TCF12: variants seen among roughly 807,000 people sequenced by gnomAD.
TCF12 encodes the protein transcription factor 12, also known as DNA-binding protein HTF4.
A neutral mutation model predicts 86.0 loss-of-function variants in TCF12; 45 were observed. The ratio of observed to expected loss-of-function variants is 0.52; its 90% CI spans 0.41 to 0.67. The LOEUF (loss-of-function observed/expected upper bound fraction) is 0.67, where lower values mean the gene tolerates loss of function less well. TCF12 is among the 30% of genes least tolerant of loss of function. TCF12 has a pLI of 0.00. For synonymous variants in TCF12, 330 were observed against 299.6 expected (o/e 1.10, Z -1.05); for missense variants, 881 against 859.9 (o/e 1.02, Z -0.31).
intron 3 of TCF12, among the ~76,000 whole-genome samples, chr15:56,998,293 C>G (rs1273207923): frequency 2.0e-5 from 3 of 151,942 alleles, no homozygotes; most frequent in Admixed American, 6.6e-5. Context: ...CCCCTCTTTA[C>G]TAAAAATACA....
chr15:57,243,503 T>G lies in TCF12; in HGVS notation c.1067T>G (p.Phe356Cys). 1 of 1,613,980 alleles carries G rather than the reference T, an allele frequency of 6.2e-7. No individual in the cohort carries two copies. The highest frequency in any genetic ancestry group is 8.5e-7 in the Non-Finnish European group (1 of 1,179,900). The change falls in exon 13 of 21, where the codon TTT becomes TGT. Residue 356 changes from phenylalanine to cysteine, a missense_variant. Phe to Cys is a radical substitution (Grantham distance 205). Transcript: ENST00000333725. ...TCTCCTGACCATACCAGCAGTAGTT[T>G]TCCGTCAAATCCATCAACACCAGTT... ...IYSPDHTSSS[F>C]PSNPSTPVGS...
chr15:57,072,259 T>G (rs1160275449), intron 4 of TCF12, among the ~76,000 whole-genome samples: 1 of 152,176 alleles, frequency 6.6e-6, no homozygotes, highest in African/African-American at 2.4e-5. Context: ...TATAAAATCA[T>G]GTAGACTCAC....
At chr15:57,000,385 T>C (rs916666940) in intron 3 of TCF12, among the ~76,000 whole-genome samples, 1 of 151,924 alleles carries the variant, frequency 6.6e-6, no homozygotes, top group African/African-American at 2.4e-5. Context: ...TAAGGGATGA[T>C]ATTACTTTTC....
At chr15:56,984,200 A>G (rs1466213154) in intron 3 of TCF12, among the ~76,000 whole-genome samples, 2 of 151,562 alleles carry the variant, frequency 1.3e-5, no homozygotes, top group African/African-American at 4.9e-5. Flanking sequence ...TATACATTAT[A>G]CATATATGTG....
chr15:57,061,232 T>G (rs1192718487), intron 3 of TCF12, among the ~76,000 whole-genome samples: 1 of 152,224 alleles, frequency 6.6e-6, no homozygotes, highest in African/African-American at 2.4e-5. Flanking sequence ...CTCTTGAATT[T>G]TGCTTGAGAT....
intron 5 of TCF12, among the ~76,000 whole-genome samples, chr15:57,092,197 T>C (rs1567405595): frequency 6.6e-6 from 1 of 152,226 alleles, no homozygotes; most frequent in African/African-American, 2.4e-5. Flanking sequence ...AGTATTGTTT[T>C]AGGGGCATTT....
chr15:57,001,713 T>G (rs371923000), intron 3 of TCF12, among the ~76,000 whole-genome samples: 1 of 152,246 alleles, frequency 6.6e-6, no homozygotes, highest in African/African-American at 2.4e-5. Flanking sequence ...TTAATTTTTT[T>G]GTCAGTAAAA....
chr15:57,163,682 G>A (rs1197491839), intron 5 of TCF12, among the ~76,000 whole-genome samples: 2 of 152,194 alleles, frequency 1.3e-5, no homozygotes, highest in Non-Finnish European at 2.9e-5. Flanking sequence ...TAGCCTGTAC[G>A]ACAGAGCGAG....
intron 5 of TCF12, among the ~76,000 whole-genome samples, chr15:57,152,081 G>T (rs1483970393): frequency 6.6e-6 from 1 of 152,198 alleles, no homozygotes; most frequent in African/African-American, 2.4e-5. Flanking sequence ...TCACTAGAGG[G>T]AGTGGAAGCC....
intron 8 of TCF12, among the ~76,000 whole-genome samples, chr15:57,208,407 G>T (rs1473932027): frequency 7.6e-5 from 3 of 39,510 alleles, no homozygotes; most frequent in Non-Finnish European, 1.3e-4. Context: ...TTTGGAGACA[G>T]AGTCTCACTC....
chr15:57,137,420 C>T (rs1047434520), intron 5 of TCF12, among the ~76,000 whole-genome samples: 5 of 152,128 alleles, frequency 3.3e-5, no homozygotes, highest in Non-Finnish European at 7.3e-5. Context: ...AAAAGTTTGA[C>T]ACAGGTATAA....
At chr15:57,063,298 T>C (rs1381313524) in intron 3 of TCF12, among the ~76,000 whole-genome samples, 5 of 152,206 alleles carry the variant, frequency 3.3e-5, no homozygotes, top group African/African-American at 9.6e-5. Context: ...GAATATCTGA[T>C]CACTGATCAG....
intron 5 of TCF12, among the ~76,000 whole-genome samples, chr15:57,136,976 T>TTTTTTTTG (rs2052585133): frequency 1.4e-5 from 1 of 71,884 alleles, no homozygotes; most frequent in African/African-American, 4.6e-5. Flanking sequence ...TTTTGTTTTT[T>TTTTTTTTG]TTTTTTTTTT....
chr15:57,113,467 G>T (rs1412381325), intron 5 of TCF12, among the ~76,000 whole-genome samples: 1 of 152,068 alleles, frequency 6.6e-6, no homozygotes, highest in African/African-American at 2.4e-5. Flanking sequence ...TCTACAATAT[G>T]CCTGAAATAT....
intron 8 of TCF12, among the ~76,000 whole-genome samples, chr15:57,202,828 A>G (rs1287730782): frequency 1.3e-5 from 2 of 152,144 alleles, no homozygotes; most frequent in African/African-American, 2.4e-5. Flanking sequence ...GATAATGCCT[A>G]TCTCAGATGT....
At chr15:57,285,123 A>G (rs1224968755) in intron 20 of TCF12, among the ~76,000 whole-genome samples, 2 of 152,236 alleles carry the variant, frequency 1.3e-5, no homozygotes, top group Non-Finnish European at 2.9e-5. Context: ...AAAAGTAGCA[A>G]GAGACAGGGC....
intron 3 of TCF12, among the ~76,000 whole-genome samples, chr15:57,011,987 A>G (rs1170335516): frequency 6.6e-6 from 1 of 152,198 alleles, no homozygotes; most frequent in Non-Finnish European, 1.5e-5. Flanking sequence ...GTGTATAGGA[A>G]ATGATACTTT....
intron 3 of TCF12, among the ~76,000 whole-genome samples, chr15:56,950,745 GTTTTTTTTT>G (rs71113040): frequency 1.0e-4 from 9 of 85,900 alleles, no homozygotes; most frequent in East Asian, 3.3e-4. Flanking sequence ...TTATGACCAT[GTTTTTTTTT>G]TTTTTTTTTT....
At chr15:57,073,907 C>T (rs1045619732) in intron 4 of TCF12, among the ~76,000 whole-genome samples, 4 of 152,184 alleles carry the variant, frequency 2.6e-5, no homozygotes, top group African/African-American at 7.2e-5. Context: ...CACCACCACT[C>T]CTGGCTAATT....
Sources: gnomAD v4.1 joint callset for allele counts (sites outside exome capture counted in the v4.1 genomes callset) on GRCh38, gnomAD v4.1.1 for gene constraint, MANE v1.5 for transcripts, NCBI Gene and HGNC (gene_info 2026-07-23, HGNC 2026-07-21) for gene names.